Variants in MRPS34 observed in about 807,000 individuals in gnomAD.
MRPS34 encodes mitochondrial ribosomal protein S34, also known as small ribosomal subunit protein mS34.
MRPS34 carries 12 observed loss-of-function variants against 13.3 expected under a neutral mutation model. That is an observed-to-expected ratio of 0.90 (90% CI 0.58 to 1.46). MRPS34 has a LOEUF of 1.46. Ranked by LOEUF, MRPS34 falls within the 40% of genes most tolerant of loss-of-function variation. The pLI, the probability that MRPS34 is intolerant of heterozygous loss-of-function variation, is 0.00. For missense variants in MRPS34, 419 were observed against 335.3 expected (o/e 1.25, Z -1.95); for synonymous variants, 181 against 149.3 (o/e 1.21, Z -1.55).
At position 1,773,009 on chromosome 16, in the gene MRPS34, G is replaced by A; in HGVS notation, c.111C>T (p.Asp37=). Reference sequence around the variant, plus strand: ...AGAACGGCCGCGTCAAGGTCTCGTAGTCCACCGCGTAGAGCTGGGAGTCGC... The same window carrying A: ...AGAACGGCCGCGTCAAGGTCTCGTAATCCACCGCGTAGAGCTGGGAGTCGC... ...RPRDSQLYAV[D]YETLTRPFSG... Residue 37 remains aspartate, a synonymous_variant, in exon 1 of 3, where the codon GAC becomes GAT. Coordinates refer to ENST00000397375, the MANE Select transcript of MRPS34 (RefSeq NM_023936.2). 3 of 1,457,962 alleles carry A rather than the reference G, an allele frequency of 2.1e-6. No homozygotes were observed. Among genetic ancestry groups the A allele is most frequent in the Middle Eastern group, 1.8e-4 (1 of 5,624 alleles). The allele number at this position is 1,457,962 out of a possible 1,614,324, so 90.3% of individuals were successfully genotyped here.
chr16:1,772,023 C>T lies in MRPS34; in HGVS notation c.*198G>A, dbSNP rs993317755. 4.8e-6 allele frequency: 3 copies of T among 622,880 alleles called. No homozygotes were observed. Among genetic ancestry groups the T allele is most frequent in the Admixed American group, 2.9e-5 (1 of 34,378 alleles). The allele number at this position is 622,880 out of a possible 1,614,324, so 38.6% of individuals were successfully genotyped here. On this transcript the variant is annotated 3_prime_UTR_variant, in exon 3 of 3. Coordinates refer to ENST00000397375, the MANE Select transcript of MRPS34 (RefSeq NM_023936.2). ...GGGCCCTCGGAGTTGGGTGTGGGGG[C>T]AGCAGGGCCAGAGGAAAGGCACAGG...
intron 1 of MRPS34, 36 bp from the exon 2 acceptor site, chr16:1,772,682 A>G: frequency 6.3e-7 from 1 of 1,594,754 alleles, no homozygotes; most frequent in Non-Finnish European, 8.5e-7. Context: ...CAGCTCGCAA[A>G]GCTCTCGGCC....
At position 1,772,641 on chromosome 16, in the gene MRPS34, C is replaced by G. The variant is rs11552434; in HGVS notation, c.327G>C (p.Leu109Phe). 27,050 of 1,607,310 alleles carry G rather than the reference C, an allele frequency of 0.017. 316 individuals are homozygous for G. The highest frequency in any genetic ancestry group is 0.035 in the South Asian group (3,184 of 91,052). Residue 109 changes from leucine (L) to phenylalanine (F), a missense_variant, in exon 2 of 3, where the codon TTG (leucine) becomes TTC (phenylalanine). Coordinates refer to ENST00000397375, the MANE Select transcript of MRPS34 (RefSeq NM_023936.2). ...RVRPDYTAQN[L>F]DHGKAWGILT... ...GGATGCCCCAGGCCTTCCCGTGGTC[C>G]AAGTTCTGCAAAGCCAGAAGGAAGC...
rs773166124 is a variant in MRPS34 at position 1,772,372 on chromosome 16, A to C, written c.506T>G (p.Leu169Arg). The C allele has an allele frequency of 1.9e-6, 3 of 1,612,110 alleles. No homozygotes were observed. The highest frequency in any genetic ancestry group is 1.7e-6 in the Non-Finnish European group (2 of 1,179,994). Residue 169 changes from leucine to arginine, a missense_variant, in exon 3 of 3, where the codon CTC becomes CGC. Coordinates refer to ENST00000397375, the MANE Select transcript of MRPS34 (RefSeq NM_023936.2). ...DSLASVPYPP[L>R]LRAMIIAERQ... The stretch of plus-strand genomic sequence containing the variant: ...TTCTGCGATAATCATGGCCCGGAGG[A>C]GAGGCGGGTACGGCACGGAGGCCAG...
chr16:1,772,025 G>T lies in MRPS34; in HGVS notation c.*196C>A. 3 of 628,604 alleles carry T rather than the reference G, an allele frequency of 4.8e-6. No individual in the cohort carries two copies. The Admixed American group carries it at 8.7e-5, about 18-fold the overall frequency. The allele number at this position is 628,604 out of a possible 1,614,324, so 38.9% of individuals were successfully genotyped here. On this transcript the variant is annotated 3_prime_UTR_variant, in exon 3 of 3. Transcript: ENST00000397375. ...GCCCTCGGAGTTGGGTGTGGGGGCA[G>T]CAGGGCCAGAGGAAAGGCACAGGTG...
chr16:1,773,120 G>A lies in MRPS34; in HGVS notation c.-1C>T, dbSNP rs2042650250. ...GCGGACGCACCTTCTTCCGCGCCAT[G>A]GCGGGTCCGCGTCCTCAGCGGTCCG... On this transcript the variant is annotated 5_prime_UTR_variant, in exon 1 of 3. Transcript: ENST00000397375. The A allele has an allele frequency of 7.2e-6, 10 of 1,391,552 alleles. No homozygotes were observed. Among genetic ancestry groups the A allele is most frequent in the Non-Finnish European group, 9.3e-6 (10 of 1,078,080 alleles). 86.2% of individuals were successfully genotyped at this position (1,391,552 alleles called of 1,614,324 possible).
chr16:1,772,374 A>G lies in MRPS34; in HGVS notation c.504T>C (p.Pro168=). The G allele has an allele frequency of 6.2e-7, 1 of 1,612,098 alleles. No homozygotes were observed. Residue 168 remains proline, a synonymous_variant, in exon 3 of 3, where the codon CCT becomes CCC. Transcript: ENST00000397375. ...EDSLASVPYP[P]LLRAMIIAER... Reference sequence around the variant, plus strand: ...CTGCGATAATCATGGCCCGGAGGAGAGGCGGGTACGGCACGGAGGCCAGGC... The same window carrying G: ...CTGCGATAATCATGGCCCGGAGGAGGGGCGGGTACGGCACGGAGGCCAGGC...
At position 1,772,653 on chromosome 16, in the gene MRPS34, A is replaced by C. The variant is rs750508140; in HGVS notation, c.322-7T>G. The C allele has an allele frequency of 1.9e-6, 3 of 1,605,030 alleles. No individual in the cohort carries two copies. Among genetic ancestry groups the C allele is most frequent in the South Asian group, 2.2e-5 (2 of 91,042 alleles). On this transcript the variant is annotated splice_polypyrimidine_tract_variant and splice_region_variant and intron_variant, in intron 1 of 2. Transcript: ENST00000397375. ...CCTTCCCGTGGTCCAAGTTCTGCAA[A>C]GCCAGAAGGAAGCGGGGTCAGCTCG...
chr16:1,772,133 A>C lies in MRPS34; in HGVS notation c.*88T>G, dbSNP rs578176318. 1.3e-4 allele frequency: 169 copies of C among 1,341,452 alleles called. 3 individuals carry two copies. In the South Asian group the frequency reaches 2.2e-3, roughly 18 times the overall value. The allele number at this position is 1,341,452 out of a possible 1,614,324, so 83.1% of individuals were successfully genotyped here. ...GTGAGCTCCCTGCTCCGAGAGGCAG[A>C]CTCGGGTGTAACGCAAAGACGGTTT... is the stretch of plus-strand genomic sequence containing the variant. On this transcript the variant is annotated 3_prime_UTR_variant, in exon 3 of 3. Transcript: ENST00000397375.
chr16:1,772,111 A>C lies in MRPS34; in HGVS notation c.*110T>G. On this transcript the variant is annotated 3_prime_UTR_variant, in exon 3 of 3. Transcript: ENST00000397375. ...CCCTCAGAACACGTCGCGGAAGGTG[A>C]GCTCCCTGCTCCGAGAGGCAGACTC... 1 of 1,151,662 alleles carries C rather than the reference A, an allele frequency of 8.7e-7. No individual in the cohort carries two copies. The highest frequency in any genetic ancestry group is 1.2e-6 in the Non-Finnish European group (1 of 809,860). The allele number at this position is 1,151,662 out of a possible 1,614,324, so 71.3% of individuals were successfully genotyped here.
At position 1,773,109 on chromosome 16, in the gene MRPS34, T is replaced by C. The variant is rs778248787; in HGVS notation, c.11A>G (p.Lys4Arg). ...CGCGATCAGCCGCGGACGCACCTTCTTCCGCGCCATGGCGGGTCCGCGTCC... is the reference window on the plus strand; with the variant it reads ...CGCGATCAGCCGCGGACGCACCTTCCTCCGCGCCATGGCGGGTCCGCGTCC... MAR[K>R]KVRPRLIAEL... is the part of the protein sequence containing the mutation. Residue 4 changes from lysine to arginine, a missense_variant, in exon 1 of 3, where the codon AAG becomes AGG. Physicochemically the swap from Lys to Arg is conservative, Grantham distance 26 (BLOSUM62 2). Transcript: ENST00000397375. 8.6e-6 allele frequency: 12 copies of C among 1,397,256 alleles called. No homozygotes were observed. The highest frequency in any genetic ancestry group is 1.6e-5 in the South Asian group (1 of 62,152). The allele number at this position is 1,397,256 out of a possible 1,614,324, so 86.6% of individuals were successfully genotyped here. A position where few individuals can be genotyped will look rare whatever the true frequency, so the allele number is the denominator to read the frequency against.
chr16:1,772,603 C>T lies in MRPS34; in HGVS notation c.364+1G>A, dbSNP rs1269051768. 3 of 1,611,946 alleles carry T rather than the reference C, an allele frequency of 1.9e-6. No homozygotes were observed. The highest frequency in any genetic ancestry group is 1.1e-5 in the South Asian group (1 of 91,088). On this transcript the variant is annotated splice_donor_variant, in intron 2 of 2. Transcript: ENST00000397375. LOFTEE classifies it high-confidence loss of function. ...CGGGCACCCGCTCTCCCGAGCCTTA[C>T]CTTTGAAGGTCAGGATGCCCCAGGC... is the stretch of plus-strand genomic sequence containing the variant.
chr16:1,772,773 G>T, intron 1 of MRPS34, 26 bp downstream of exon 1: 1 of 1,492,798 alleles, frequency 6.7e-7, no homozygotes, highest in Non-Finnish European at 8.9e-7. Context: ...GGCTGCAGGG[G>T]CGGGGTGCGG....
At position 1,772,277 on chromosome 16, in the gene MRPS34, A is replaced by C. The variant is rs1025505363; in HGVS notation, c.601T>G (p.Trp201Gly). 12 of 1,612,458 alleles carry C rather than the reference A, an allele frequency of 7.4e-6. No individual in the cohort carries two copies. Among genetic ancestry groups the C allele is most frequent in the Non-Finnish European group, 8.5e-6 (10 of 1,179,878 alleles). The part of the protein sequence containing the change: ...LNVQRIRMEP[W>G]DYPAKQEDKG... ...TCTTCCTGTTTTGCAGGGTAATCCC[A>C]GGGTTCCATGCGTATCCTCTGCACA... is the stretch of plus-strand genomic sequence containing the variant. The change falls in exon 3 of 3, where the codon TGG becomes GGG. Residue 201 changes from tryptophan to glycine, a missense_variant. Trp to Gly is a radical substitution (Grantham distance 184). Coordinates refer to ENST00000397375, the MANE Select transcript of MRPS34 (RefSeq NM_023936.2).
In MRPS34 at chr16:1,772,838, G is replaced by A. The variant is rs1451346240; in HGVS notation, c.282C>T (p.Tyr94=). ...SWLWQHDEPC[Y]WRLTRVRPDY... The stretch of plus-strand genomic sequence containing the variant: ...CGGGCCGCACCCGCGTGAGGCGCCA[G>A]TAGCACGGCTCGTCGTGCTGCCACA... Residue 94 remains tyrosine (Y), a synonymous_variant, in exon 1 of 3, where the codon TAC becomes TAT. Coordinates refer to ENST00000397375, the MANE Select transcript of MRPS34 (RefSeq NM_023936.2). 6.9e-7 allele frequency: 1 copy of A among 1,444,476 alleles called. No individual in the cohort carries two copies. Among genetic ancestry groups the A allele is most frequent in the Admixed American group, 2.7e-5 (1 of 36,556 alleles). 89.5% of individuals were successfully genotyped at this position (1,444,476 alleles called of 1,614,324 possible).
chr16:1,772,705 A>C, intron 1 of MRPS34, 59 bp from the exon 2 acceptor site: 2 of 1,578,524 alleles, frequency 1.3e-6, no homozygotes, highest in Non-Finnish European at 1.7e-6. Context: ...CGAGGTCAGG[A>C]GGTGGGAGCC....
At chr16:1,772,549 T>C (rs2042636827) in intron 2 of MRPS34, 36 bp from the exon 3 acceptor site, 4 of 1,612,354 alleles carry the variant, frequency 2.5e-6, no homozygotes, top group Non-Finnish European at 3.4e-6. Flanking sequence ...ACACACTTGC[T>C]GTGCCGTCGG....
chr16:1,772,544 C>T (rs577918889), intron 2 of MRPS34, 31 bp from the exon 3 acceptor site: 6 of 1,612,444 alleles, frequency 3.7e-6, no homozygotes, highest in East Asian at 4.5e-5. Flanking sequence ...TCTGCACACA[C>T]TTGCTGTGCC....
Position 1,771,952 on chromosome 16 carries a change from C to CGCTTT in MRPS34, c.*268_*269insAAAGC. 1.8e-6 allele frequency: 1 copy of CGCTTT among 563,742 alleles called. No homozygotes were observed. The highest frequency in any genetic ancestry group is 3.2e-6 in the Non-Finnish European group (1 of 316,766). The allele number at this position is 563,742 out of a possible 1,614,324, so 34.9% of individuals were successfully genotyped here. A position where few individuals can be genotyped will look rare whatever the true frequency, so the allele number is the denominator to read the frequency against. On this transcript the variant is annotated 3_prime_UTR_variant, in exon 3 of 3. Transcript: ENST00000397375. ...TCTGCCGGGATCCAGGCAGAGAGAGCACTAATGGGGGAAAGGGAGCGAGCG... is the reference window on the plus strand; with the variant it reads ...TCTGCCGGGATCCAGGCAGAGAGAGCGCTTTACTAATGGGGGAAAGGGAGCGAGCG...
Sources: gnomAD v4.1 joint callset for allele counts on GRCh38, gnomAD v4.1.1 for gene constraint, MANE v1.5 for transcripts, NCBI Gene and HGNC (gene_info 2026-07-23, HGNC 2026-07-21) for gene names.